PTH2R: variants seen among roughly 807,000 people sequenced by gnomAD.
PTH2R encodes the protein PTH2 receptor.
PTH2R carries 59 observed loss-of-function variants against 60.3 expected under a neutral mutation model. The ratio of observed to expected loss-of-function variants is 0.98; its 90% CI spans 0.79 to 1.22. PTH2R has a LOEUF of 1.22. Among genes scored for constraint, PTH2R ranks in the 50% most tolerant of loss-of-function variants. The pLI, the probability that PTH2R is intolerant of heterozygous loss-of-function variation, is 0.00. For synonymous variants in PTH2R, 256 were observed against 243.8 expected (o/e 1.05, Z -0.47); for missense variants, 749 against 682.6 (o/e 1.10, Z -1.08).
chr2:208,437,442 C>A (rs1055454594), intron 2 of PTH2R, 95 bp from the exon 3 acceptor site: 6 of 911,766 alleles, frequency 6.6e-6, no homozygotes, highest in Non-Finnish European at 9.8e-6. Flanking sequence ...TTGCTACAGA[C>A]AATGACCTAA....
intron 4 of PTH2R, among the ~76,000 whole-genome samples, chr2:208,438,425 T>C (rs1252991505): frequency 1.3e-5 from 2 of 152,172 alleles, no homozygotes; most frequent in Non-Finnish European, 2.9e-5. Context: ...GTGAGTCAAC[T>C]GAGAACCCGA....
chr2:208,470,083 A>C (rs1702847787), intron 9 of PTH2R: 1 of 152,276 alleles, frequency 6.6e-6, no homozygotes, highest in South Asian at 2.1e-4. Context: ...GAGACACAAA[A>C]ATACAGATTG....
At position 208,371,027 on chromosome 2, in the gene PTH2R, T is replaced by C. The variant is rs971371556; in HGVS notation, c.-259+10790T>C. On this transcript the variant is annotated intron_variant, in intron 1 of 12. Transcript: ENST00000617735. The stretch of plus-strand genomic sequence containing the variant: ...AGGCTCTTTAAACAACCAGCTCTCA[T>C]GTGAAATACCAGAGCCAGAACTCAC... Among the ~76,000 whole-genome samples the C allele has an allele frequency of 3.3e-5, 5 of 152,036 alleles. No homozygotes were observed. The East Asian group carries it at 7.7e-4, about 24-fold the overall frequency.
chr2:208,365,347 C>T (rs1700557698), intron 1 of PTH2R, among the ~76,000 whole-genome samples: 1 of 152,042 alleles, frequency 6.6e-6, no homozygotes, highest in Non-Finnish European at 1.5e-5. Flanking sequence ...CTTCTCTTTC[C>T]ACTTTTGAGT....
chr2:208,405,948 C>T (rs555925068), upstream of PTH2R, among the ~76,000 whole-genome samples: 2 of 152,298 alleles, frequency 1.3e-5, no homozygotes, highest in East Asian at 3.9e-4. Context: ...TTGGACTTCC[C>T]AGCCTCCAGA....
intron 9 of PTH2R, among the ~76,000 whole-genome samples, chr2:208,462,834 T>C (rs1702660763): frequency 6.6e-6 from 1 of 152,182 alleles, no homozygotes; most frequent in African/African-American, 2.4e-5. Context: ...TGTGGAATAA[T>C]GTCAAGAGCT....
intron 9 of PTH2R, among the ~76,000 whole-genome samples, chr2:208,460,764 A>T (rs1702617944): frequency 6.6e-6 from 1 of 152,198 alleles, no homozygotes; most frequent in African/African-American, 2.4e-5. Context: ...CCTGGTGTTC[A>T]TGTATGTAAT....
intron 1 of PTH2R, among the ~76,000 whole-genome samples, chr2:208,415,093 A>G (rs910973122): frequency 2.6e-5 from 4 of 152,186 alleles, no homozygotes; most frequent in Admixed American, 2.6e-4. Flanking sequence ...AAAAACTAAG[A>G]AAATCTGAAT....
chr2:208,404,333 T>C (rs956036212), upstream of PTH2R, among the ~76,000 whole-genome samples: 3 of 152,210 alleles, frequency 2.0e-5, no homozygotes, highest in Admixed American at 6.5e-5. Context: ...AGGCTTTATC[T>C]TGACTGAGGT....
chr2:208,377,599 C>T (rs1288660547), intron 1 of PTH2R, among the ~76,000 whole-genome samples: 1 of 149,762 alleles, frequency 6.7e-6, no homozygotes. Flanking sequence ...GGGCTGACCC[C>T]CCACCTGCCT....
chr2:208,452,941 T>C (rs1261090753), intron 8 of PTH2R, among the ~76,000 whole-genome samples: 2 of 152,144 alleles, frequency 1.3e-5, no homozygotes, highest in African/African-American at 4.8e-5. Context: ...GGTGTTTCTA[T>C]TGAGATAAGT....
chr2:208,371,258 C>T (rs1398244922), intron 1 of PTH2R, among the ~76,000 whole-genome samples: 5 of 152,240 alleles, frequency 3.3e-5, no homozygotes, highest in South Asian at 2.1e-4. Flanking sequence ...ACAATCGCTG[C>T]GGAAAGCAGC....
chr2:208,458,585 C>T (rs1352441581), intron 8 of PTH2R, among the ~76,000 whole-genome samples: 5 of 151,996 alleles, frequency 3.3e-5, no homozygotes, highest in African/African-American at 9.7e-5. Flanking sequence ...CTTTTCTGCT[C>T]CTCTCCCTCC....
chr2:208,419,739 A>G (rs1701713448), intron 1 of PTH2R, among the ~76,000 whole-genome samples: 1 of 152,210 alleles, frequency 6.6e-6, no homozygotes, highest in Non-Finnish European at 1.5e-5. Context: ...CTTTCTACAT[A>G]TGGCTAGCCA....
At chr2:208,411,043 C>T (rs1701530266) in intron 1 of PTH2R, among the ~76,000 whole-genome samples, 1 of 152,092 alleles carries the variant, frequency 6.6e-6, no homozygotes. Context: ...GTCAGGAGTT[C>T]GAGACCAGCC....
chr2:208,464,053 C>T (rs1234905834), intron 9 of PTH2R, among the ~76,000 whole-genome samples: 1 of 152,092 alleles, frequency 6.6e-6, no homozygotes, highest in African/African-American at 2.4e-5. Flanking sequence ...TTATTTTTAC[C>T]CTTTTGTTAA....
chr2:208,389,494 A>G (rs1701067411), intron 1 of PTH2R, among the ~76,000 whole-genome samples: 1 of 152,230 alleles, frequency 6.6e-6, no homozygotes, highest in South Asian at 2.1e-4. Flanking sequence ...TGGAGGACAA[A>G]TCATTAAATG....
At chr2:208,482,698 G>A (rs1239307800) in intron 10 of PTH2R, among the ~76,000 whole-genome samples, 2 of 152,184 alleles carry the variant, frequency 1.3e-5, no homozygotes, top group Non-Finnish European at 2.9e-5. Context: ...CAACCGGTTA[G>A]ACCAGAAATT....
chr2:208,378,669 C>T (rs1290798152), intron 1 of PTH2R, among the ~76,000 whole-genome samples: 1 of 152,078 alleles, frequency 6.6e-6, no homozygotes, highest in East Asian at 1.9e-4. Flanking sequence ...AACCAGGAAG[C>T]AGGCCCTCAC....
Sources: gnomAD v4.1 joint callset for allele counts (sites outside exome capture counted in the v4.1 genomes callset) on GRCh38, gnomAD v4.1.1 for gene constraint, MANE v1.5 for transcripts, NCBI Gene and HGNC (gene_info 2026-07-23, HGNC 2026-07-21) for gene names.